Variants in TSPEAR observed in about 807,000 individuals in gnomAD.
TSPEAR encodes thrombospondin type laminin G domain and EAR repeats, also known as thrombospondin-type laminin G domain and EAR repeat-containing protein.
In TSPEAR, 69 loss-of-function variants were observed where a neutral mutation model predicts 71.6. The observed-to-expected ratio is 0.96, with a 90% CI of 0.79 to 1.18. The LOEUF (loss-of-function observed/expected upper bound fraction) is 1.18, where lower values mean the gene tolerates loss of function less well. Among genes scored for constraint, TSPEAR ranks in the 50% most tolerant of loss-of-function variants. The probability of loss-of-function intolerance (pLI) is 0.00; values close to 1 mark genes in which losing one functional copy is unlikely to be tolerated. For synonymous variants in TSPEAR, 402 were observed against 387.2 expected (o/e 1.04, Z -0.45); for missense variants, 971 against 894.9 (o/e 1.09, Z -1.09).
chr21:44,627,882 T>A, intron 1 of TSPEAR: 1 of 1,612,034 alleles, frequency 6.2e-7, no homozygotes, highest in Non-Finnish European at 8.5e-7. Context: ...TCTGCCGCCC[T>A]GTGTGCAGGC....
At chr21:44,697,016 G>A (rs1987371531) in intron 1 of TSPEAR, among the ~76,000 whole-genome samples, 1 of 136,392 alleles carries the variant, frequency 7.3e-6, no homozygotes, top group Non-Finnish European at 1.6e-5. Flanking sequence ...TTCCCATCCA[G>A]CACCCAGACG....
intron 1 of TSPEAR, among the ~76,000 whole-genome samples, chr21:44,698,253 T>C (rs1184882675): frequency 1.3e-5 from 2 of 152,202 alleles, no homozygotes; most frequent in African/African-American, 4.8e-5. Context: ...GAAGTCCTAA[T>C]AAACACCCTC....
Position 44,593,454 on chromosome 21 carries a change from A to G in TSPEAR, c.83-25449T>C, listed in dbSNP as rs1360321256. The stretch of plus-strand genomic sequence containing the variant: ...AATGGGTCCATGAGAAGTTGATCTC[A>G]CTGCAAACCCATTGCCAGTGTAAAC... On this transcript the variant is annotated intron_variant, in intron 1 of 11. Coordinates refer to ENST00000323084, the MANE Select transcript of TSPEAR (RefSeq NM_144991.3). The surrounding 1 kb of genome is among the most constrained non-coding windows in gnomAD (Gnocchi z 5.9). Among the ~76,000 whole-genome samples, 1 of 152,192 alleles carries G rather than the reference A, an allele frequency of 6.6e-6. No homozygotes were observed. The highest frequency in any genetic ancestry group is 1.5e-5 in the Non-Finnish European group (1 of 68,036).
chr21:44,621,894 C>T (rs1276151188), intron 1 of TSPEAR, among the ~76,000 whole-genome samples: 1 of 152,092 alleles, frequency 6.6e-6, no homozygotes, highest in Non-Finnish European at 1.5e-5. Flanking sequence ...ACATAGACTC[C>T]TCTCATCATC....
chr21:44,596,444 C>G (rs1407991241), intron 1 of TSPEAR, among the ~76,000 whole-genome samples: 1 of 152,264 alleles, frequency 6.6e-6, no homozygotes, highest in Non-Finnish European at 1.5e-5. Context: ...ACCCTAGAGT[C>G]TGTCTCCCGC....
At chr21:44,539,449 G>C in intron 2 of TSPEAR, 1 of 1,612,892 alleles carries the variant, frequency 6.2e-7, no homozygotes, top group Non-Finnish European at 8.5e-7. Context: ...GGCGGCAGAG[G>C]AGGGACACGG....
At chr21:44,690,883 G>C (rs1555949658) in intron 1 of TSPEAR, among the ~76,000 whole-genome samples, 1 of 152,174 alleles carries the variant, frequency 6.6e-6, no homozygotes, top group Non-Finnish European at 1.5e-5. Flanking sequence ...AAGTAGCTGG[G>C]ACTACAGGTA....
intron 1 of TSPEAR, among the ~76,000 whole-genome samples, chr21:44,625,715 G>A (rs11909996): frequency 0.14 from 21,735 of 152,154 alleles, 2,985 homozygotes; most frequent in African/African-American, 0.36. Context: ...TGATGGGGAC[G>A]GGGGAAGGAA....
At chr21:44,653,017 G>A (rs868910439) in intron 1 of TSPEAR, among the ~76,000 whole-genome samples, 14 of 152,140 alleles carry the variant, frequency 9.2e-5, no homozygotes, top group Admixed American at 7.2e-4. Context: ...AATTAACCAA[G>A]CGTGGCGGCG....
intron 1 of TSPEAR, among the ~76,000 whole-genome samples, chr21:44,605,044 T>C (rs1981221428): frequency 6.6e-6 from 1 of 152,238 alleles, no homozygotes; most frequent in Admixed American, 6.5e-5. Context: ...CCTGTAGTTT[T>C]CTTTTCTTGT....
At chr21:44,646,799 G>A (rs1555940021) in intron 1 of TSPEAR, 1 of 1,613,032 alleles carries the variant, frequency 6.2e-7, no homozygotes, top group Admixed American at 1.7e-5. Flanking sequence ...AAGCCTGTGT[G>A]CTGTGTGCCT....
rs975532830 is a variant in TSPEAR at position 44,623,998 on chromosome 21, A to G, written c.83-55993T>C. Among the ~76,000 whole-genome samples the G allele has an allele frequency of 9.9e-5, 15 of 152,056 alleles. No individual in the cohort carries two copies. Among genetic ancestry groups the G allele is most frequent in the Non-Finnish European group, 2.2e-4 (15 of 68,024 alleles). ...CTATTAAACCTTCAAATATTTTACT[A>G]CCCTTATTTTACTCATCTCCTCCTA... On this transcript the variant is annotated intron_variant, in intron 1 of 11. Coordinates refer to ENST00000323084, the MANE Select transcript of TSPEAR (RefSeq NM_144991.3). This position sits in a 1 kb window ranked among gnomAD's most constrained non-coding sequence, Gnocchi z 4.5.
intron 3 of TSPEAR, among the ~76,000 whole-genome samples, chr21:44,531,974 C>T (rs1555915821): frequency 6.6e-6 from 1 of 152,244 alleles, no homozygotes; most frequent in African/African-American, 2.4e-5. Flanking sequence ...CTGCTCCTTC[C>T]AGTCTTTGCC....
intron 10 of TSPEAR, 97 bp from the exon 11 acceptor site, chr21:44,504,978 G>T: frequency 1.1e-6 from 1 of 893,434 alleles, no homozygotes; most frequent in Non-Finnish European, 1.8e-6. Flanking sequence ...TAGAGGAGGA[G>T]CCGGGGCCAA....
intron 11 of TSPEAR, among the ~76,000 whole-genome samples, chr21:44,503,386 C>CG (rs2052093953): frequency 4.3e-5 from 1 of 23,092 alleles, no homozygotes; most frequent in South Asian, 1.5e-3. Context: ...GAGCCCTCGG[C>CG]GGGAAGCAAG....
At chr21:44,638,578 C>A (rs1983820340) in intron 1 of TSPEAR, 1 of 251,194 alleles carries the variant, frequency 4.0e-6, no homozygotes, top group African/African-American at 2.2e-5. Context: ...TCTCTGTCGA[C>A]CTTCCATCCT....
chr21:44,651,916 A>G (rs1984814804), intron 1 of TSPEAR, among the ~76,000 whole-genome samples: 1 of 152,160 alleles, frequency 6.6e-6, no homozygotes, highest in Admixed American at 6.5e-5. Context: ...TGAGGACTAT[A>G]GACCGAGGCC....
At chr21:44,702,384 G>C in intron 1 of TSPEAR, 1 of 763,578 alleles carries the variant, frequency 1.3e-6, no homozygotes, top group South Asian at 2.1e-5. Context: ...CAGCCTGTGA[G>C]CCCAGCTCCT....
Position 44,642,406 on chromosome 21 carries a change from A to C in TSPEAR, c.82+69027T>G, listed in dbSNP as rs1984065615. On this transcript the variant is annotated intron_variant, in intron 1 of 11. Coordinates refer to ENST00000323084, the MANE Select transcript of TSPEAR (RefSeq NM_144991.3). The surrounding 1 kb of genome is among the most constrained non-coding windows in gnomAD (Gnocchi z 4.1). ...AGACTGGTGACATCCTGATGCCAAAACCAGGAATAACAGCGAGAGAGATAG... is the reference window on the plus strand; with the variant it reads ...AGACTGGTGACATCCTGATGCCAAACCCAGGAATAACAGCGAGAGAGATAG... Among the ~76,000 whole-genome samples the C allele has an allele frequency of 6.6e-6, 1 of 152,208 alleles. No homozygotes were observed. Among genetic ancestry groups the C allele is most frequent in the African/African-American group, 2.4e-5 (1 of 41,436 alleles).
Sources: allele counts gnomAD v4.1 joint callset (sites outside exome capture counted in the v4.1 genomes callset), GRCh38; gene constraint gnomAD v4.1.1; non-coding constraint Gnocchi (gnomAD v3.1); transcripts MANE v1.5; gene names NCBI Gene and HGNC (gene_info 2026-07-23, HGNC 2026-07-21).